The following TRIM22 variants were observed in gnomAD, a reference collection of about 807,000 sequenced individuals.
The protein encoded by TRIM22 is E3 ubiquitin-protein ligase TRIM22.
TRIM22 carries 45 observed loss-of-function variants against 53.6 expected under a neutral mutation model. That is an observed-to-expected ratio of 0.84 (90% confidence interval 0.66 to 1.08). TRIM22 has a LOEUF of 1.08. Among genes scored for constraint, TRIM22 ranks in the 50% least tolerant of loss-of-function variants. The probability of loss-of-function intolerance (pLI) is 0.00; values close to 1 mark genes in which losing one functional copy is unlikely to be tolerated. For missense variants in TRIM22, 616 were observed against 590.9 expected (o/e 1.04, Z -0.44); for synonymous variants, 225 against 216.6 (o/e 1.04, Z -0.34).
chr11:5,700,464 T>G (rs1853354577), intron 4 of TRIM22, among the ~76,000 whole-genome samples: 1 of 152,044 alleles, frequency 6.6e-6, no homozygotes, highest in African/African-American at 2.4e-5. Flanking sequence ...TTACACTAGC[T>G]AGGACTTCTA....
At position 5,709,632 on chromosome 11, in the gene TRIM22, G is replaced by T. The variant is rs200148337; in HGVS notation, c.1481G>T (p.Cys494Phe). 1 of 1,604,188 alleles carries T rather than the reference G, an allele frequency of 6.2e-7. No individual in the cohort carries two copies. The highest frequency in any genetic ancestry group is 1.1e-5 in the South Asian group (1 of 91,042). The change falls in exon 8 of 8, where the codon TGC becomes TTC. Residue 494 changes from cysteine to phenylalanine, a missense_variant. By Grantham distance (205) the Cys-to-Phe change is radical. Transcript: ENST00000379965. ...PWNCLVPMTV[C>F]PPSS ...AACTGCCTAGTCCCCATGACTGTGT[G>T]CCCACCGAGCTCCTGAGTGTTCTCA...
intron 5 of TRIM22, among the ~76,000 whole-genome samples, chr11:5,707,366 C>T (rs1012519190): frequency 9.9e-5 from 15 of 152,138 alleles, no homozygotes; most frequent in African/African-American, 3.4e-4. Context: ...TTTGATATCT[C>T]TCAACAACTC....
At chr11:5,701,084 T>C (rs1335090534) in intron 4 of TRIM22, among the ~76,000 whole-genome samples, 1 of 152,202 alleles carries the variant, frequency 6.6e-6, no homozygotes, top group African/African-American at 2.4e-5. Context: ...TTTATATATA[T>C]TTTGTTGGAT....
intron 4 of TRIM22, among the ~76,000 whole-genome samples, chr11:5,699,749 G>C (rs1853338094): frequency 1.4e-5 from 2 of 142,098 alleles, no homozygotes; most frequent in South Asian, 4.3e-4. Context: ...TTTAGTTACA[G>C]CCTTTCTAGT....
rs370729215 is a variant in TRIM22 at position 5,696,565 on chromosome 11, T to C, written c.333T>C (p.Asp111=). The C allele has an allele frequency of 1.1e-5, 18 of 1,614,208 alleles. No individual in the cohort carries two copies. Among genetic ancestry groups the C allele is most frequent in the South Asian group, 9.9e-5 (9 of 91,086 alleles). Residue 111 remains aspartate, a synonymous_variant, in exon 2 of 8, where the codon GAT becomes GAC. Coordinates refer to ENST00000379965, the MANE Select transcript of TRIM22 (RefSeq NM_006074.5). The part of the protein sequence containing the change: ...GKKLQIFCKE[D]GKVICWVCEL... Reference sequence around the variant, plus strand: ...AACTCCAGATCTTCTGTAAGGAGGATGGAAAAGTCATTTGCTGGGTTTGTG... The same window carrying C: ...AACTCCAGATCTTCTGTAAGGAGGACGGAAAAGTCATTTGCTGGGTTTGTG...
At chr11:5,698,186 T>C (rs974145279) in intron 3 of TRIM22, 129 bp from the exon 4 acceptor site, 23 of 714,812 alleles carry the variant, frequency 3.2e-5, no homozygotes, top group African/African-American at 2.9e-4. Context: ...AAATTGTGTA[T>C]TGGCTTTTGC....
intron 4 of TRIM22, 67 bp downstream of exon 4, chr11:5,698,612 C>T: frequency 7.6e-7 from 1 of 1,317,724 alleles, no homozygotes; most frequent in Non-Finnish European, 1.1e-6. Flanking sequence ...ATTTTCCTTC[C>T]CTTCCCAGTC....
At chr11:5,691,027 G>A (rs932601363) in intron 1 of TRIM22, 1 of 152,302 alleles carries the variant, frequency 6.6e-6, no homozygotes, top group African/African-American at 2.4e-5. Flanking sequence ...GAGGCCGCAG[G>A]ACGGGCAGAC....
chr11:5,699,597 T>C (rs1255420401), intron 4 of TRIM22, among the ~76,000 whole-genome samples: 1 of 149,192 alleles, frequency 6.7e-6, no homozygotes, highest in East Asian at 2.0e-4. Flanking sequence ...TATGTATAAG[T>C]TTTAAGTTGT....
At chr11:5,704,950 G>A (rs568789075) in intron 4 of TRIM22, among the ~76,000 whole-genome samples, 2 of 152,168 alleles carry the variant, frequency 1.3e-5, no homozygotes, top group Non-Finnish European at 2.9e-5. Context: ...GGCTGAAGAC[G>A]TGGCAGACAG....
At chr11:5,705,307 C>G (rs145596105) in intron 4 of TRIM22, among the ~76,000 whole-genome samples, 1,889 of 151,740 alleles carry the variant, frequency 0.012, 46 homozygotes, top group African/African-American at 0.044. Context: ...ATAATTTAAA[C>G]CAGGAGAGTC....
At chr11:5,706,644 A>G in intron 5 of TRIM22, 28 bp downstream of exon 5, 1 of 1,593,030 alleles carries the variant, frequency 6.3e-7, no homozygotes, top group Admixed American at 1.7e-5. Flanking sequence ...ATGTGGTCTT[A>G]TTTGTCTGAA....
chr11:5,700,098 C>T (rs1296554096), intron 4 of TRIM22, among the ~76,000 whole-genome samples: 1 of 150,468 alleles, frequency 6.6e-6, no homozygotes. Flanking sequence ...TTGTTTCATA[C>T]TCTGCAGTTT....
At chr11:5,696,718 C>G (rs1359218396) in intron 2 of TRIM22, 63 bp downstream of exon 2, 2 of 1,516,652 alleles carry the variant, frequency 1.3e-6, no homozygotes, top group East Asian at 2.3e-5. Flanking sequence ...TGTGAAATCT[C>G]CACTTTTTTT....
chr11:5,696,962 G>A, intron 2 of TRIM22: 2 of 495,616 alleles, frequency 4.0e-6, no homozygotes, highest in South Asian at 7.0e-5. Flanking sequence ...GTTAGATGTG[G>A]GAAGAGTGGC....
At chr11:5,697,371 A>C in intron 3 of TRIM22, 28 bp downstream of exon 3, 5 of 1,558,378 alleles carry the variant, frequency 3.2e-6, no homozygotes, top group Non-Finnish European at 4.4e-6. Flanking sequence ...CTAAGGGATA[A>C]TTAGACAGGA....
At chr11:5,704,658 A>AT (rs1198794249) in intron 4 of TRIM22, among the ~76,000 whole-genome samples, 5 of 151,906 alleles carry the variant, frequency 3.3e-5, no homozygotes, top group African/African-American at 1.2e-4. Flanking sequence ...CTGTTTATTT[A>AT]TTTTTTTCTC....
chr11:5,695,796 AGCCCAGGG>A (rs1853249285), intron 1 of TRIM22, among the ~76,000 whole-genome samples: 4 of 152,336 alleles, frequency 2.6e-5, no homozygotes, highest in Non-Finnish European at 5.9e-5. Flanking sequence ...CCTGTGTGCA[AGCCCAGGG>A]GCAGGGGTGT....
chr11:5,709,605 G>A lies in TRIM22; in HGVS notation c.1454G>A (p.Trp485Ter). Reference sequence around the variant, plus strand: ...CCTGCTTATCCGTATTTCAATCCTTGGAACTGCCTAGTCCCCATGACTGTG... The same window carrying A: ...CCTGCTTATCCGTATTTCAATCCTTAGAACTGCCTAGTCCCCATGACTGTG... ...SRPAYPYFNP[W>*]NCLVPMTVCP... Residue 485 changes from tryptophan (W) to a stop codon, truncating the protein, a stop_gained, in exon 8 of 8, where the codon TGG becomes TAG. Transcript: ENST00000379965. LOFTEE classifies it high-confidence loss of function. The A allele has an allele frequency of 6.2e-7, 1 of 1,610,808 alleles. No individual in the cohort carries two copies. Among genetic ancestry groups the A allele is most frequent in the Non-Finnish European group, 8.5e-7 (1 of 1,179,966 alleles).
Sources: gnomAD v4.1 joint callset for allele counts (sites outside exome capture counted in the v4.1 genomes callset) on GRCh38, gnomAD v4.1.1 for gene constraint, MANE v1.5 for transcripts, NCBI Gene and HGNC (gene_info 2026-07-23, HGNC 2026-07-21) for gene names.